RPS6KA2: variants seen among roughly 807,000 people sequenced by gnomAD.
The protein encoded by RPS6KA2 is ribosomal protein S6 kinase A2.
Under a neutral mutation model 91.8 loss-of-function variants are expected in RPS6KA2, and 42 were observed. That is an observed-to-expected ratio of 0.46 (90% CI 0.36 to 0.59). RPS6KA2 has a LOEUF of 0.59. Ranked by LOEUF, RPS6KA2 falls within the 20% of genes least tolerant of loss-of-function variation. RPS6KA2 has a pLI of 0.00. For synonymous variants in RPS6KA2, 414 were observed against 393.6 expected (o/e 1.05, Z -0.61); for missense variants, 798 against 978.5 (o/e 0.82, Z 2.46).
chr6:166,671,567 G>A (rs4518470), intron 2 of RPS6KA2, among the ~76,000 whole-genome samples: 25,116 of 152,078 alleles, frequency 0.17, 2,604 homozygotes, highest in African/African-American at 0.3. Flanking sequence ...GCCCAGCCAA[G>A]TTATTCCAGT....
At chr6:166,797,740 G>A (rs1779261934) in intron 2 of RPS6KA2, among the ~76,000 whole-genome samples, 1 of 152,106 alleles carries the variant, frequency 6.6e-6, no homozygotes, top group Non-Finnish European at 1.5e-5. Context: ...GACACGTGCA[G>A]TTCAAACCTG....
intron 2 of RPS6KA2, among the ~76,000 whole-genome samples, chr6:166,675,271 C>G (rs1266173361): frequency 6.6e-6 from 1 of 152,170 alleles, no homozygotes; most frequent in Non-Finnish European, 1.5e-5. Flanking sequence ...TGGGAGGAGG[C>G]CGGCCTCCCC....
At chr6:166,809,308 T>C (rs79737752) in intron 2 of RPS6KA2, among the ~76,000 whole-genome samples, 1,696 of 152,226 alleles carry the variant, frequency 0.011, 35 homozygotes, top group African/African-American at 0.038. Flanking sequence ...GAGAAAGATG[T>C]TTAAACGAAA....
At chr6:166,791,494 T>C (rs1457727404) in intron 2 of RPS6KA2, among the ~76,000 whole-genome samples, 4 of 152,200 alleles carry the variant, frequency 2.6e-5, no homozygotes, top group African/African-American at 9.7e-5. Flanking sequence ...GGAATTGAAC[T>C]CAGCTCTGCA....
At chr6:166,517,455 GTTT>G (rs71032809) in intron 3 of RPS6KA2, among the ~76,000 whole-genome samples, 3,831 of 104,444 alleles carry the variant, frequency 0.037, 242 homozygotes, top group African/African-American at 0.16. Flanking sequence ...CTTTTGTTTT[GTTT>G]TTTTTTTTTT....
intron 14 of RPS6KA2, 46 bp from the exon 15 acceptor site, chr6:166,432,536 T>C (rs768020883): frequency 3.2e-6 from 4 of 1,257,638 alleles, no homozygotes; most frequent in Admixed American, 3.5e-5. Flanking sequence ...ACTTTAGGCT[T>C]TCGGGTGGTA....
At chr6:166,515,527 A>G (rs1188385356) in intron 3 of RPS6KA2, among the ~76,000 whole-genome samples, 1 of 152,248 alleles carries the variant, frequency 6.6e-6, no homozygotes, top group Non-Finnish European at 1.5e-5. Flanking sequence ...GTTATGCACC[A>G]GAGAGGACAC....
intron 1 of RPS6KA2, among the ~76,000 whole-genome samples, chr6:166,549,111 C>T (rs1463630594): frequency 6.6e-6 from 1 of 151,928 alleles, no homozygotes; most frequent in Non-Finnish European, 1.5e-5. Flanking sequence ...AGTGGAGAGC[C>T]GCAATAAAGT....
chr6:166,831,899 AG>A (rs1780193321), intron 2 of RPS6KA2, among the ~76,000 whole-genome samples: 1 of 100,838 alleles, frequency 9.9e-6, no homozygotes, highest in African/African-American at 3.1e-5. Context: ...ATGGATAGAT[AG>A]ATGATGGATG....
intron 7 of RPS6KA2, among the ~76,000 whole-genome samples, chr6:166,499,567 G>A (rs1781944223): frequency 6.6e-6 from 1 of 152,186 alleles, no homozygotes; most frequent in Non-Finnish European, 1.5e-5. Flanking sequence ...GAGATCTGAT[G>A]GTTTTATACA....
chr6:166,488,323 T>C (rs965893042), intron 10 of RPS6KA2, among the ~76,000 whole-genome samples: 2 of 152,132 alleles, frequency 1.3e-5, no homozygotes, highest in African/African-American at 4.8e-5. Flanking sequence ...CTCCTGCTGC[T>C]GTCTGACTCT....
chr6:166,581,336 A>G (rs1785001553), intron 1 of RPS6KA2, among the ~76,000 whole-genome samples: 2 of 152,216 alleles, frequency 1.3e-5, no homozygotes, highest in African/African-American at 2.4e-5. Flanking sequence ...GAATGCCGAC[A>G]GCACCTGGGC....
intron 17 of RPS6KA2, among the ~76,000 whole-genome samples, chr6:166,422,702 C>T (rs987779035): frequency 7.2e-5 from 11 of 152,158 alleles, no homozygotes; most frequent in African/African-American, 2.4e-4. Context: ...CTGCTCCGAG[C>T]GGGGCTGGGA....
chr6:166,649,803 TC>T (rs1787791888), intron 2 of RPS6KA2, among the ~76,000 whole-genome samples: 1 of 152,148 alleles, frequency 6.6e-6, no homozygotes, highest in African/African-American at 2.4e-5. Context: ...CGGGCTGTCT[TC>T]CTTGGAAAGC....
In RPS6KA2 at chr6:166,737,110, T is replaced by C. The variant is rs16899353; in HGVS notation, c.123+121090A>G. Among the ~76,000 whole-genome samples, 3,366 of 152,302 alleles carry C rather than the reference T, an allele frequency of 0.022. 89 individuals carry two copies. Among genetic ancestry groups the C allele is most frequent in the East Asian group, 0.1 (531 of 5,186 alleles). ...ATAGATGCACATTCTTTGTCAACTG[T>C]CACAAACGAGGTCCTTGATTTTCAA... On this transcript the variant is annotated intron_variant, in intron 2 of 21. Transcript: ENST00000503859. The surrounding 1 kb of genome is among the most constrained non-coding windows in gnomAD (Gnocchi z 4.3).
At chr6:166,812,360 A>G (rs1221082335) in intron 2 of RPS6KA2, among the ~76,000 whole-genome samples, 3 of 152,148 alleles carry the variant, frequency 2.0e-5, no homozygotes, top group Non-Finnish European at 4.4e-5. Flanking sequence ...CATCTCAAAA[A>G]AAAGAAATAA....
intron 2 of RPS6KA2, among the ~76,000 whole-genome samples, chr6:166,664,508 G>A (rs535800646): frequency 5.3e-5 from 8 of 152,220 alleles, no homozygotes; most frequent in Non-Finnish European, 7.4e-5. Context: ...TGCCCCTTGC[G>A]GCATGGAGGA....
At chr6:166,564,562 T>C (rs1214010124) in intron 1 of RPS6KA2, among the ~76,000 whole-genome samples, 1 of 152,244 alleles carries the variant, frequency 6.6e-6, no homozygotes, top group Admixed American at 6.5e-5. Context: ...ACAATGACAG[T>C]TGACAGATTT....
intron 1 of RPS6KA2, among the ~76,000 whole-genome samples, chr6:166,625,081 C>G (rs533593372): frequency 6.6e-6 from 1 of 152,264 alleles, no homozygotes; most frequent in African/African-American, 2.4e-5. Flanking sequence ...ATCCGCCCGC[C>G]TTAGGCTCCC....
Sources: gnomAD v4.1 joint callset for allele counts (sites outside exome capture counted in the v4.1 genomes callset) on GRCh38, gnomAD v4.1.1 for gene constraint, Gnocchi (gnomAD v3.1) non-coding constraint, MANE v1.5 for transcripts, NCBI Gene and HGNC (gene_info 2026-07-23, HGNC 2026-07-21) for gene names.